The following FKBP5 variants were observed in gnomAD, a reference collection of about 807,000 sequenced individuals.
FKBP5 encodes FKBP prolyl isomerase 5.
FKBP5 carries 23 observed loss-of-function variants against 50.5 expected under a neutral mutation model. The ratio of observed to expected loss-of-function variants is 0.46; its 90% confidence interval spans 0.33 to 0.65. FKBP5 has a LOEUF of 0.65. FKBP5 is among the 30% of genes least tolerant of loss of function. The pLI is 0.02. For synonymous variants in FKBP5, 176 were observed against 190.6 expected, an observed-to-expected ratio of 0.92 and a Z score of 0.63; for missense variants, 411 against 553.1, an observed-to-expected ratio of 0.74 and a Z score of 2.58.
At chr6:35,654,748 C>T (rs2150996369) in intron 1 of FKBP5, among the ~76,000 whole-genome samples, 1 of 152,320 alleles carries the variant, frequency 6.6e-6, no homozygotes, top group East Asian at 1.9e-4. Context: ...CCTCAGCCTC[C>T]TGAGTAGCTG....
intron 1 of FKBP5, among the ~76,000 whole-genome samples, chr6:35,658,231 C>T (rs1041107363): frequency 1.3e-5 from 2 of 151,892 alleles, no homozygotes; most frequent in Admixed American, 6.6e-5. Context: ...AAAAATTAAC[C>T]GGGCGTGGTG....
chr6:35,608,162 A>G (rs1763384493), intron 5 of FKBP5, among the ~76,000 whole-genome samples: 1 of 152,094 alleles, frequency 6.6e-6, no homozygotes, highest in Non-Finnish European at 1.5e-5. Context: ...TATAAGTAGG[A>G]GCTAAACCCT....
chr6:35,662,787 G>C (rs1236380739), intron 1 of FKBP5, among the ~76,000 whole-genome samples: 2 of 152,070 alleles, frequency 1.3e-5, no homozygotes, highest in Non-Finnish European at 2.9e-5. Flanking sequence ...AAAGCCAATA[G>C]TTTTCTAATT....
intron 3 of FKBP5, among the ~76,000 whole-genome samples, chr6:35,630,601 G>A (rs1304184204): frequency 2.0e-5 from 3 of 152,148 alleles, no homozygotes; most frequent in East Asian, 1.9e-4. Context: ...CTGCTAACCA[G>A]GACCTACTTC....
intron 2 of FKBP5, among the ~76,000 whole-genome samples, chr6:35,700,517 C>G (rs183557661): frequency 5.8e-4 from 88 of 152,292 alleles, no homozygotes; most frequent in African/African-American, 2.0e-3. Flanking sequence ...TGGTAGGCCC[C>G]GAACTCCAAA....
intron 1 of FKBP5, among the ~76,000 whole-genome samples, chr6:35,646,588 C>T (rs1764637498): frequency 1.3e-5 from 2 of 152,140 alleles, no homozygotes; most frequent in Admixed American, 6.5e-5. Flanking sequence ...TAAGGACAGA[C>T]AATTCCTAAA....
intron 6 of FKBP5, 140 bp from the exon 7 acceptor site, chr6:35,591,360 C>T (rs1183189023): frequency 6.9e-6 from 4 of 583,416 alleles, no homozygotes; most frequent in African/African-American, 1.9e-5. Context: ...CAGATGTTGA[C>T]CAGAAGATAC....
At chr6:35,595,285 G>T (rs1762954795) in intron 6 of FKBP5, among the ~76,000 whole-genome samples, 1 of 152,136 alleles carries the variant, frequency 6.6e-6, no homozygotes, top group Admixed American at 6.5e-5. Flanking sequence ...CAATTGCCTT[G>T]TCAGCCAGGC....
At chr6:35,675,834 G>A (rs1042765415) in intron 1 of FKBP5, among the ~76,000 whole-genome samples, 1 of 152,012 alleles carries the variant, frequency 6.6e-6, no homozygotes, top group Non-Finnish European at 1.5e-5. Flanking sequence ...ATATTTTAGG[G>A]GCAAAATCAA....
chr6:35,611,784 G>A (rs1054579967), intron 5 of FKBP5, among the ~76,000 whole-genome samples: 29 of 152,134 alleles, frequency 1.9e-4, no homozygotes, highest in African/African-American at 6.7e-4. Context: ...GTAACCATTA[G>A]GATCCTCATA....
intron 5 of FKBP5, among the ~76,000 whole-genome samples, chr6:35,601,148 A>T (rs1763133772): frequency 6.6e-6 from 1 of 152,180 alleles, no homozygotes; most frequent in South Asian, 2.1e-4. Context: ...ATGTGGACTA[A>T]TCTTTTTTTT....
At chr6:35,582,927 C>G in intron 8 of FKBP5, 3 of 889,754 alleles carry the variant, frequency 3.4e-6, no homozygotes, top group Non-Finnish European at 4.0e-6. Flanking sequence ...AATATGGAAT[C>G]AAGACTTTTT....
chr6:35,601,500 T>C (rs1396218408), intron 5 of FKBP5, among the ~76,000 whole-genome samples: 1 of 152,182 alleles, frequency 6.6e-6, no homozygotes, highest in African/African-American at 2.4e-5. Context: ...GGGGCCCTGA[T>C]TGCAGTAACA....
At chr6:35,667,542 G>A (rs755547514) in intron 1 of FKBP5, among the ~76,000 whole-genome samples, 33 of 152,270 alleles carry the variant, frequency 2.2e-4, no homozygotes, top group Non-Finnish European at 3.5e-4. Flanking sequence ...CATAATCTGT[G>A]GAAAGAACAA....
intron 3 of FKBP5, among the ~76,000 whole-genome samples, chr6:35,625,940 T>C (rs549458373): frequency 4.6e-5 from 7 of 151,452 alleles, no homozygotes; most frequent in Non-Finnish European, 5.9e-5. Flanking sequence ...CCACCACTCC[T>C]GGCTAATTTT....
In FKBP5 at chr6:35,656,328, C is replaced by T. The variant is rs113019907; in HGVS notation, c.-19-13485G>A. Among the ~76,000 whole-genome samples the T allele has an allele frequency of 6.0e-3, 913 of 152,272 alleles. 11 individuals carry two copies. Among genetic ancestry groups the T allele is most frequent in the African/African-American group, 0.02 (839 of 41,550 alleles). ...CCCTCACTCAGTTTTTCCATCTATA[C>T]TTTTCGGGGGTTAGACTAGAATCAT... On this transcript the variant is annotated intron_variant, in intron 1 of 10. Coordinates refer to ENST00000357266, the MANE Select transcript of FKBP5 (RefSeq NM_004117.4).
At chr6:35,604,202 G>A (rs1422512378) in intron 5 of FKBP5, among the ~76,000 whole-genome samples, 1 of 150,854 alleles carries the variant, frequency 6.6e-6, no homozygotes, top group Non-Finnish European at 1.5e-5. Flanking sequence ...TAAGAATGGG[G>A]TCTCACCATG....
intron 7 of FKBP5, among the ~76,000 whole-genome samples, chr6:35,588,366 G>A (rs887976437): frequency 1.3e-5 from 2 of 151,938 alleles, no homozygotes; most frequent in Non-Finnish European, 2.9e-5. Context: ...TCATCTTTCT[G>A]GCAACTCATG....
At chr6:35,624,565 T>C (rs1362017594) in intron 3 of FKBP5, among the ~76,000 whole-genome samples, 1 of 151,786 alleles carries the variant, frequency 6.6e-6, no homozygotes, top group Non-Finnish European at 1.5e-5. Flanking sequence ...ATACCAAACA[T>C]CCCCCTCTCC....
Sources: gnomAD v4.1 joint callset for allele counts (sites outside exome capture counted in the v4.1 genomes callset) on GRCh38, gnomAD v4.1.1 for gene constraint, MANE v1.5 for transcripts, NCBI Gene and HGNC (gene_info 2026-07-23, HGNC 2026-07-21) for gene names.